KCNIP4: variants seen among roughly 807,000 people sequenced by gnomAD.
KCNIP4 encodes Kv channel-interacting protein 4.
A neutral mutation model predicts 34.0 loss-of-function variants in KCNIP4; 12 were observed. The observed-to-expected ratio is 0.35, with a 90% CI of 0.23 to 0.57. KCNIP4 has a LOEUF of 0.57. Among genes scored for constraint, KCNIP4 ranks in the 20% least tolerant of loss-of-function variants. The pLI is 0.83. For synonymous variants in KCNIP4, 124 were observed against 102.2 expected (o/e 1.21, Z -1.29); for missense variants, 238 against 311.7 (o/e 0.76, Z 1.78).
At chr4:20,755,811 C>T (rs1578542223) in intron 4 of KCNIP4, among the ~76,000 whole-genome samples, 1 of 152,096 alleles carries the variant, frequency 6.6e-6, no homozygotes, top group Admixed American at 6.5e-5. Flanking sequence ...GAGGGAACAG[C>T]AGGTTCAAAG....
At chr4:21,084,987 ATAT>A (rs1308761576) in intron 1 of KCNIP4, among the ~76,000 whole-genome samples, 2 of 151,880 alleles carry the variant, frequency 1.3e-5, no homozygotes, top group South Asian at 2.1e-4. Context: ...TATAATATCT[ATAT>A]TATTATATAT....
intron 1 of KCNIP4, among the ~76,000 whole-genome samples, chr4:21,786,137 T>C (rs1048062895): frequency 5.3e-5 from 8 of 152,054 alleles, no homozygotes; most frequent in Admixed American, 2.0e-4. Context: ...TCAGTAGAGA[T>C]GGGGTTTCAC....
intron 1 of KCNIP4, among the ~76,000 whole-genome samples, chr4:21,919,874 A>T (rs758429609): frequency 6.6e-6 from 1 of 152,212 alleles, no homozygotes; most frequent in African/African-American, 2.4e-5. Flanking sequence ...AAAGTGAGAG[A>T]ATCTGGATCA....
intron 1 of KCNIP4, among the ~76,000 whole-genome samples, chr4:20,960,869 C>A (rs1733780855): frequency 6.6e-6 from 1 of 152,062 alleles, no homozygotes; most frequent in Admixed American, 6.6e-5. Flanking sequence ...AAGAGGTGTG[C>A]AGTTTTAAAT....
At chr4:20,910,257 TTG>T (rs1281664146) in intron 1 of KCNIP4, among the ~76,000 whole-genome samples, 1 of 151,948 alleles carries the variant, frequency 6.6e-6, no homozygotes, top group Non-Finnish European at 1.5e-5. Context: ...GAAGGAATTT[TTG>T]TGTGTGATTA....
chr4:21,544,917 G>A (rs1487351643), intron 1 of KCNIP4, among the ~76,000 whole-genome samples: 1 of 151,946 alleles, frequency 6.6e-6, no homozygotes, highest in Non-Finnish European at 1.5e-5. Context: ...ATACTTTTAA[G>A]TTGTCGGAGG....
At chr4:21,337,088 G>A (rs1368151380) in intron 1 of KCNIP4, among the ~76,000 whole-genome samples, 1 of 151,948 alleles carries the variant, frequency 6.6e-6, no homozygotes, top group African/African-American at 2.4e-5. Flanking sequence ...TGAAGGGAGA[G>A]GGGCAAGGAT....
chr4:21,915,751 C>T (rs561381637), intron 1 of KCNIP4, among the ~76,000 whole-genome samples: 7 of 152,262 alleles, frequency 4.6e-5, no homozygotes, highest in South Asian at 2.1e-4. Flanking sequence ...TCTCTTTCTA[C>T]GATTTGTCAA....
At chr4:21,271,347 C>T (rs901023690) in intron 1 of KCNIP4, among the ~76,000 whole-genome samples, 15 of 152,286 alleles carry the variant, frequency 9.8e-5, no homozygotes, top group Admixed American at 7.8e-4. Flanking sequence ...CTTTTCATTT[C>T]TAGTACTGAG....
intron 1 of KCNIP4, among the ~76,000 whole-genome samples, chr4:21,252,888 C>T (rs768063089): frequency 9.9e-5 from 15 of 151,984 alleles, no homozygotes; most frequent in Non-Finnish European, 1.8e-4. Flanking sequence ...AAGATAAGCA[C>T]TGAGCACATC....
At chr4:21,074,128 G>A (rs988289266) in intron 1 of KCNIP4, among the ~76,000 whole-genome samples, 3 of 152,116 alleles carry the variant, frequency 2.0e-5, no homozygotes, top group African/African-American at 7.2e-5. Context: ...CCAGGCTTTG[G>A]TATCAGGATG....
intron 1 of KCNIP4, among the ~76,000 whole-genome samples, chr4:21,292,512 G>A (rs928273118): frequency 6.6e-6 from 1 of 152,084 alleles, no homozygotes; most frequent in Non-Finnish European, 1.5e-5. Context: ...CTTTATCTAA[G>A]TCAGGAAGAG....
At chr4:21,175,806 G>T (rs1577833860) in intron 1 of KCNIP4, among the ~76,000 whole-genome samples, 1 of 152,030 alleles carries the variant, frequency 6.6e-6, no homozygotes, top group Admixed American at 6.6e-5. Flanking sequence ...TTTATGTCTG[G>T]GATTTTCCTT....
chr4:21,307,650 T>G (rs567016499), intron 1 of KCNIP4, among the ~76,000 whole-genome samples: 1 of 152,206 alleles, frequency 6.6e-6, no homozygotes, highest in Non-Finnish European at 1.5e-5. Context: ...ATAATCTGAT[T>G]GATATTCTCA....
intron 3 of KCNIP4, among the ~76,000 whole-genome samples, chr4:20,784,541 G>T (rs1005403157): frequency 6.6e-6 from 1 of 152,014 alleles, no homozygotes; most frequent in African/African-American, 2.4e-5. Flanking sequence ...CTTTCATTCT[G>T]GAAGTACTTT....
At chr4:20,749,606 C>G (rs1753210214) in intron 5 of KCNIP4, 56 bp downstream of exon 5, 2 of 1,227,762 alleles carry the variant, frequency 1.6e-6, no homozygotes, top group South Asian at 2.8e-5. Flanking sequence ...ACATTTTCCC[C>G]CTAAAAAGAC....
intron 1 of KCNIP4, among the ~76,000 whole-genome samples, chr4:21,081,448 A>G (rs1485683636): frequency 2.0e-5 from 3 of 151,752 alleles, no homozygotes; most frequent in Non-Finnish European, 4.4e-5. Flanking sequence ...CAAGATGTGA[A>G]ACTCAATTAA....
At chr4:21,006,897 A>T (rs1281802681) in intron 1 of KCNIP4, among the ~76,000 whole-genome samples, 1 of 152,154 alleles carries the variant, frequency 6.6e-6, no homozygotes, top group Non-Finnish European at 1.5e-5. Context: ...AGCACCTGGA[A>T]ATAATTAAGC....
chr4:21,931,261 C>T (rs777346234), intron 1 of KCNIP4, among the ~76,000 whole-genome samples: 1 of 150,638 alleles, frequency 6.6e-6, no homozygotes, highest in Non-Finnish European at 1.5e-5. Flanking sequence ...GAAAACTATC[C>T]TTTTCTTTGT....
Sources: gnomAD v4.1 joint callset for allele counts (sites outside exome capture counted in the v4.1 genomes callset) on GRCh38, gnomAD v4.1.1 for gene constraint, MANE v1.5 for transcripts, NCBI Gene and HGNC (gene_info 2026-07-23, HGNC 2026-07-21) for gene names.